ROBO1: variants seen among roughly 807,000 people sequenced by gnomAD.
ROBO1 encodes the protein roundabout guidance receptor 1, also known as roundabout homolog 1.
Under a neutral mutation model 195.9 loss-of-function variants are expected in ROBO1, and 149 were observed. That is an observed-to-expected ratio of 0.76 (90% confidence interval 0.67 to 0.87). The LOEUF (loss-of-function observed/expected upper bound fraction) is 0.87. ROBO1 is among the 40% of genes least tolerant of loss of function. The probability of loss-of-function intolerance (pLI) is 0.00; values close to 1 mark genes in which losing one functional copy is unlikely to be tolerated. For synonymous variants in ROBO1, 816 were observed against 733.2 expected, an observed-to-expected ratio of 1.11 and a Z score of -1.82; for missense variants, 1,933 against 2,068.3, an observed-to-expected ratio of 0.93 and a Z score of 1.27.
chr3:78,661,358 GTC>G, intron 15 of ROBO1, 97 bp from the exon 16 acceptor site: 1 of 711,590 alleles, frequency 1.4e-6, no homozygotes, highest in Non-Finnish European at 2.1e-6. Flanking sequence ...ACAAAATTCT[GTC>G]TGGCTTCATC....
intron 3 of ROBO1, among the ~76,000 whole-genome samples, chr3:79,054,088 G>C (rs530615839): frequency 6.6e-6 from 1 of 152,172 alleles, no homozygotes; most frequent in South Asian, 2.1e-4. Context: ...TTCCATACCT[G>C]GTAGTCAGAG....
intron 2 of ROBO1, among the ~76,000 whole-genome samples, chr3:79,381,373 A>AAAAAGAAAAGAAAAG (rs66481962): frequency 4.3e-5 from 5 of 115,424 alleles, no homozygotes; most frequent in African/African-American, 1.7e-4. Flanking sequence ...AAAAAAAAAA[A>AAAAAGAAAAGAAAAG]AAAAGAAAAG....
intron 1 of ROBO1, among the ~76,000 whole-genome samples, chr3:79,723,724 G>A (rs1405291840): frequency 1.3e-5 from 2 of 152,028 alleles, no homozygotes; most frequent in African/African-American, 4.8e-5. Context: ...TAATCACACA[G>A]TAAGAAGTAG....
At chr3:78,633,654 C>A (rs990388705) in intron 24 of ROBO1, among the ~76,000 whole-genome samples, 1 of 152,166 alleles carries the variant, frequency 6.6e-6, no homozygotes, top group Non-Finnish European at 1.5e-5. Flanking sequence ...AAAGTTTCAA[C>A]TGCCTTTAAA....
chr3:78,888,796 A>G (rs561519481), intron 4 of ROBO1, among the ~76,000 whole-genome samples: 1 of 152,302 alleles, frequency 6.6e-6, no homozygotes, highest in African/African-American at 2.4e-5. Flanking sequence ...CAAAAATACT[A>G]AAAACTGTGT....
chr3:78,963,506 T>G (rs975169064), intron 3 of ROBO1, among the ~76,000 whole-genome samples: 91 of 121,268 alleles, frequency 7.5e-4, no homozygotes, highest in African/African-American at 2.7e-3. Context: ...TTTTTTTTTT[T>G]TTTTTTTTTT....
chr3:78,743,908 G>C (rs951648460), intron 5 of ROBO1, among the ~76,000 whole-genome samples: 1 of 152,180 alleles, frequency 6.6e-6, no homozygotes, highest in Non-Finnish European at 1.5e-5. Context: ...AAAAAGCTGG[G>C]AAGTAGAGTG....
At chr3:79,622,037 G>A (rs1160559937) in intron 1 of ROBO1, among the ~76,000 whole-genome samples, 1 of 152,074 alleles carries the variant, frequency 6.6e-6, no homozygotes, top group Non-Finnish European at 1.5e-5. Flanking sequence ...AACTGACTAG[G>A]AGCCTGGCAT....
chr3:79,269,018 C>A (rs570575749), intron 2 of ROBO1, among the ~76,000 whole-genome samples: 7 of 151,724 alleles, frequency 4.6e-5, no homozygotes, highest in African/African-American at 1.7e-4. Flanking sequence ...AAGACCAATT[C>A]GCTTTCCAGA....
chr3:78,911,703 G>C (rs1427089617), intron 4 of ROBO1, among the ~76,000 whole-genome samples: 1 of 151,970 alleles, frequency 6.6e-6, no homozygotes, highest in Non-Finnish European at 1.5e-5. Flanking sequence ...TGCAATTGAA[G>C]GACTTGTCAA....
chr3:79,434,901 A>G (rs1480702884), intron 2 of ROBO1, among the ~76,000 whole-genome samples: 1 of 152,198 alleles, frequency 6.6e-6, no homozygotes, highest in African/African-American at 2.4e-5. Flanking sequence ...TGATGAGTTC[A>G]TATCCTTTGT....
chr3:79,453,453 A>C, intron 2 of ROBO1, among the ~76,000 whole-genome samples: 1 of 152,084 alleles, frequency 6.6e-6, no homozygotes, highest in East Asian at 1.9e-4. Context: ...CTGGGACTTA[A>C]CTCTGACAAA....
At chr3:79,387,015 C>G (rs2036775664) in intron 2 of ROBO1, among the ~76,000 whole-genome samples, 1 of 152,092 alleles carries the variant, frequency 6.6e-6, no homozygotes, top group African/African-American at 2.4e-5. Flanking sequence ...GCATAGCTCA[C>G]TGGGGTAGAG....
At chr3:79,356,041 T>G (rs1288895900) in intron 2 of ROBO1, among the ~76,000 whole-genome samples, 1 of 152,228 alleles carries the variant, frequency 6.6e-6, no homozygotes, top group Non-Finnish European at 1.5e-5. Context: ...TATGCTATTC[T>G]AAATTATTAA....
chr3:79,222,245 A>C (rs2082153367), intron 2 of ROBO1, among the ~76,000 whole-genome samples: 1 of 152,058 alleles, frequency 6.6e-6, no homozygotes, highest in African/African-American at 2.4e-5. Flanking sequence ...TTCATGTGTG[A>C]TGTAAATGGA....
intron 2 of ROBO1, among the ~76,000 whole-genome samples, chr3:79,568,258 T>G (rs1943153696): frequency 6.6e-6 from 1 of 152,190 alleles, no homozygotes; most frequent in African/African-American, 2.4e-5. Flanking sequence ...GGAAAATTGC[T>G]TGTCAATCAG....
At chr3:79,617,014 G>C (rs1022936408) in intron 1 of ROBO1, among the ~76,000 whole-genome samples, 1 of 152,172 alleles carries the variant, frequency 6.6e-6, no homozygotes, top group African/African-American at 2.4e-5. Context: ...CAGTTACATT[G>C]TGGCCTTGAG....
At position 79,752,030 on chromosome 3, in the gene ROBO1, T is replaced by G. The variant is rs965563914; in HGVS notation, c.-51+15722A>C. On this transcript the variant is annotated intron_variant, in intron 1 of 30. Coordinates refer to ENST00000464233, the MANE Select transcript of ROBO1 (RefSeq NM_002941.4). ...GCTACAAACGAAAACAATATGTCCCTTATAGTAGGGTATTTTTATTTGAAA... is the reference window on the plus strand; with the variant it reads ...GCTACAAACGAAAACAATATGTCCCGTATAGTAGGGTATTTTTATTTGAAA... Among the ~76,000 whole-genome samples, 6 of 152,258 alleles carry G rather than the reference T, an allele frequency of 3.9e-5. 1 individual carries two copies. Among genetic ancestry groups the G allele is most frequent in the Middle Eastern group, 6.8e-3 (2 of 294 alleles).
chr3:79,438,377 C>T (rs2038953486), intron 2 of ROBO1, among the ~76,000 whole-genome samples: 1 of 151,782 alleles, frequency 6.6e-6, no homozygotes, highest in East Asian at 1.9e-4. Context: ...CATAACAATA[C>T]AAATCTTTCA....
Sources: allele counts gnomAD v4.1 joint callset (sites outside exome capture counted in the v4.1 genomes callset), GRCh38; gene constraint gnomAD v4.1.1; transcripts MANE v1.5; gene names NCBI Gene and HGNC (gene_info 2026-07-23, HGNC 2026-07-21).